The following ARHGAP6 variants were observed in gnomAD, a reference collection of about 807,000 sequenced individuals.
The protein encoded by ARHGAP6 is Rho GTPase activating protein 6, also known as rho GTPase-activating protein 6.
A neutral mutation model predicts 55.7 loss-of-function variants in ARHGAP6; 16 were observed. That is an observed-to-expected ratio of 0.29 (90% CI 0.19 to 0.44). The LOEUF (loss-of-function observed/expected upper bound fraction) is 0.44. Among genes scored for constraint, ARHGAP6 ranks in the 20% least tolerant of loss-of-function variants. The probability of loss-of-function intolerance (pLI) is 1.00; values close to 1 mark genes in which losing one functional copy is unlikely to be tolerated. For missense variants in ARHGAP6, 698 were observed against 808.9 expected (o/e 0.86, Z 1.66); for synonymous variants, 382 against 360.9 (o/e 1.06, Z -0.66).
At chrX:11,150,932 G>T (rs1281723483) in intron 10 of ARHGAP6, among the ~76,000 whole-genome samples, 3 of 112,073 alleles carry the variant, frequency 2.7e-5, no homozygotes, top group Non-Finnish European at 5.6e-5. Context: ...GCATTAGCTT[G>T]GATTTTTAAA....
Position 11,590,868 on chromosome X carries a change from AGG to A in ARHGAP6, c.588+73371_588+73372del, listed in dbSNP as rs1556118811. On this transcript the variant is annotated intron_variant, in intron 1 of 12. Coordinates refer to ENST00000337414, the MANE Select transcript of ARHGAP6 (RefSeq NM_013427.3). Reference sequence around the variant, plus strand: ...AAAGAAAAGAAAAGAAAAGAAAAGAAGGAAAGAAAGAAAGAAAGAAAGAAAGA... The same window carrying A: ...AAAGAAAAGAAAAGAAAAGAAAAGAAAAAGAAAGAAAGAAAGAAAGAAAGA... 7.0e-5 allele frequency among the ~76,000 whole-genome samples: 4 copies of A among 56,850 alleles called. 1 individual carries two copies. The highest frequency in any genetic ancestry group is 1.6e-4 in the African/African-American group (2 of 12,660). 49.4% of individuals were successfully genotyped at this position (56,850 alleles called of 115,157 possible).
intron 1 of ARHGAP6, among the ~76,000 whole-genome samples, chrX:11,562,530 C>A (rs954672902): frequency 9.0e-6 from 1 of 111,289 alleles, no homozygotes; most frequent in African/African-American, 3.3e-5. Flanking sequence ...ATAACTTTAT[C>A]ATTTGAATGT....
intron 2 of ARHGAP6, among the ~76,000 whole-genome samples, chrX:11,199,811 T>C (rs763607966): frequency 7.1e-5 from 8 of 112,511 alleles, no homozygotes; most frequent in African/African-American, 1.9e-4. Context: ...TAGGTAACTA[T>C]ACAAAATGAT....
intron 1 of ARHGAP6, among the ~76,000 whole-genome samples, chrX:11,570,896 A>G (rs1172709065): frequency 9.0e-6 from 1 of 111,529 alleles, no homozygotes; most frequent in East Asian, 2.8e-4. Flanking sequence ...TGGTTAAATC[A>G]TGAGGGCTCA....
intron 1 of ARHGAP6, among the ~76,000 whole-genome samples, chrX:11,419,637 G>A (rs1449984557): frequency 1.8e-5 from 2 of 112,079 alleles, no homozygotes; most frequent in African/African-American, 6.5e-5. Flanking sequence ...AATGTCCAGG[G>A]ATTTGTGCCC....
At chrX:11,538,857 T>C (rs1207088026) in intron 1 of ARHGAP6, among the ~76,000 whole-genome samples, 4 of 106,435 alleles carry the variant, frequency 3.8e-5, no homozygotes, top group African/African-American at 1.4e-4. Context: ...TGGTTTTTTT[T>C]TTTTTTTTTG....
At chrX:11,319,158 G>T (rs866087653) in intron 1 of ARHGAP6, among the ~76,000 whole-genome samples, 1 of 108,682 alleles carries the variant, frequency 9.2e-6, no homozygotes, top group African/African-American at 3.5e-5. Context: ...CTATATCTAT[G>T]TCTATCTATA....
At chrX:11,213,175 G>A (rs1001716565) in intron 2 of ARHGAP6, among the ~76,000 whole-genome samples, 1 of 113,026 alleles carries the variant, frequency 8.8e-6, no homozygotes, top group Admixed American at 9.3e-5. Flanking sequence ...CCCCGGGCTC[G>A]TTCCAGCCAC....
intron 1 of ARHGAP6, among the ~76,000 whole-genome samples, chrX:11,338,112 C>T (rs1025128874): frequency 1.8e-4 from 20 of 110,902 alleles, no homozygotes; most frequent in Admixed American, 6.7e-4. Flanking sequence ...TCCCTGTAAC[C>T]CAGACATCTC....
intron 2 of ARHGAP6, among the ~76,000 whole-genome samples, chrX:11,226,394 G>T (rs1295082036): frequency 1.8e-5 from 2 of 111,010 alleles, no homozygotes; most frequent in Non-Finnish European, 3.8e-5. Context: ...TCTATCATTG[G>T]TGGACATTTG....
At chrX:11,493,178 T>C (rs747299891) in intron 1 of ARHGAP6, among the ~76,000 whole-genome samples, 28 of 112,471 alleles carry the variant, frequency 2.5e-4, no homozygotes, top group Non-Finnish European at 4.9e-4. Context: ...CATTATAATA[T>C]AAAAAGTATA....
chrX:11,351,279 G>T, intron 1 of ARHGAP6: 1 of 819,140 alleles, frequency 1.2e-6, no homozygotes, highest in South Asian at 3.2e-5. Context: ...AAATAAAAAT[G>T]AACTTTACAT....
At chrX:11,486,755 G>A (rs113926165) in intron 1 of ARHGAP6, among the ~76,000 whole-genome samples, 15 of 111,880 alleles carry the variant, frequency 1.3e-4, no homozygotes, top group Admixed American at 4.7e-4. Context: ...ATCCACACAG[G>A]GGAATGATGA....
At chrX:11,615,607 AC>A (rs2052153837) in intron 1 of ARHGAP6, among the ~76,000 whole-genome samples, 1 of 112,309 alleles carries the variant, frequency 8.9e-6, no homozygotes, top group Non-Finnish European at 1.9e-5. Flanking sequence ...AGACAGGAAA[AC>A]AAAACACCTA....
intron 3 of ARHGAP6, among the ~76,000 whole-genome samples, chrX:11,191,275 G>C (rs2046457666): frequency 9.0e-6 from 1 of 111,633 alleles, no homozygotes; most frequent in Non-Finnish European, 1.9e-5. Flanking sequence ...CAATTCTGTA[G>C]CCTAGGGGCT....
At chrX:11,377,169 C>T (rs1045515053) in intron 1 of ARHGAP6, among the ~76,000 whole-genome samples, 9 of 112,119 alleles carry the variant, frequency 8.0e-5, no homozygotes, top group Admixed American at 1.9e-4. Flanking sequence ...GTTCTGCTTT[C>T]CCAGAAAGGT....
rs145929305 is a variant in ARHGAP6 at position 11,166,264 on chromosome X, A to C, written c.1809+3241T>G. The stretch of plus-strand genomic sequence containing the variant: ...CTGCCAGGCCTCTGTGAGCTTCTAC[A>C]TCCCTTCCACCAGTTATTTTATGGA... On this transcript the variant is annotated intron_variant, in intron 9 of 12. Transcript: ENST00000337414. Among the ~76,000 whole-genome samples, 165 of 111,313 alleles carry C rather than the reference A, an allele frequency of 1.5e-3. 2 individuals are homozygous for C. The highest frequency in any genetic ancestry group is 4.6e-3 in the African/African-American group (140 of 30,607).
chrX:11,258,091 C>T lies in ARHGAP6; in HGVS notation c.589-3384G>A, dbSNP rs746534388. ...ACCAGATTAGATTTTCCTCCATAGA[C>T]GATGGCTAGTCATTCAGGAACTTTG... On this transcript the variant is annotated intron_variant, in intron 1 of 12. Coordinates refer to ENST00000337414, the MANE Select transcript of ARHGAP6 (RefSeq NM_013427.3). 7.2e-5 allele frequency among the ~76,000 whole-genome samples: 8 copies of T among 111,294 alleles called. No homozygotes were observed. In the South Asian group the frequency reaches 1.9e-3, roughly 26 times the overall value.
rs982285428 is a variant in ARHGAP6 at position 11,139,204 on chromosome X, G to A, written c.2584C>T (p.Arg862Trp). The stretch of plus-strand genomic sequence containing the variant: ...GGTCTTTGGCACTGAGGTGTGGCCC[G>A]GCTCTGCAGCCCGGCCACATCCAGC... ...SELDVAGLQSRATPQCQRPHG... is the reference protein window; with the variant it reads ...SELDVAGLQSWATPQCQRPHG... The change falls in exon 13 of 13, where the codon CGG (arginine) becomes TGG (tryptophan). Residue 862 changes from arginine to tryptophan, a missense_variant. Physicochemically the swap from Arg to Trp is moderately radical, Grantham distance 101 (BLOSUM62 -3). Around this residue, in one of 3 missense-constraint regions of ARHGAP6, gnomAD observed 212 missense variants for 208.7 expected, o/e 1.02. Coordinates refer to ENST00000337414, the MANE Select transcript of ARHGAP6 (RefSeq NM_013427.3). The A allele has an allele frequency of 8.3e-6, 10 of 1,201,643 alleles. No individual in the cohort carries two copies. Among genetic ancestry groups the A allele is most frequent in the Admixed American group, 4.4e-5 (2 of 45,435 alleles).
Sources: allele counts gnomAD v4.1 joint callset (sites outside exome capture counted in the v4.1 genomes callset), GRCh38; gene constraint gnomAD v4.1.1; regional missense constraint gnomAD v4.1.1; transcripts MANE v1.5; gene names NCBI Gene and HGNC (gene_info 2026-07-23, HGNC 2026-07-21).